The following COMMD1 variants were observed in gnomAD, a reference collection of about 807,000 sequenced individuals.
COMMD1 encodes COMM domain-containing protein 1.
In COMMD1, 10 loss-of-function variants were observed where a neutral mutation model predicts 17.2. That is an observed-to-expected ratio of 0.58 (90% confidence interval 0.36 to 0.99). The LOEUF is 0.99. COMMD1 is among the 50% of genes least tolerant of loss of function. COMMD1 has a pLI of 0.01. For missense variants in COMMD1, 270 were observed against 231.8 expected (o/e 1.17, Z -1.07); for synonymous variants, 97 against 91.6 (o/e 1.06, Z -0.34).
chr2:61,923,640 T>A (rs1204233274), intron 1 of COMMD1, among the ~76,000 whole-genome samples: 1 of 152,140 alleles, frequency 6.6e-6, no homozygotes, highest in African/African-American at 2.4e-5. Flanking sequence ...TGAGATAAGA[T>A]GATAAAGGGG....
At chr2:61,979,502 A>G (rs1310881657) in intron 1 of COMMD1, among the ~76,000 whole-genome samples, 4 of 152,160 alleles carry the variant, frequency 2.6e-5, no homozygotes, top group Non-Finnish European at 5.9e-5. Context: ...AAATAGAGCT[A>G]GCATATAATT....
intron 2 of COMMD1, among the ~76,000 whole-genome samples, chr2:62,003,607 C>A (rs1669027506): frequency 9.1e-6 from 1 of 109,624 alleles, no homozygotes. Flanking sequence ...GATATTTTTA[C>A]ACACACACAC....
At chr2:61,963,901 T>C (rs1671436147) in intron 1 of COMMD1, among the ~76,000 whole-genome samples, 1 of 152,214 alleles carries the variant, frequency 6.6e-6, no homozygotes, top group African/African-American at 2.4e-5. Flanking sequence ...CTGAGATCCT[T>C]GAGTCCAGAC....
At chr2:61,965,010 T>C (rs549474691) in intron 1 of COMMD1, among the ~76,000 whole-genome samples, 2 of 152,238 alleles carry the variant, frequency 1.3e-5, no homozygotes, top group African/African-American at 4.8e-5. Flanking sequence ...TACTCCAGCC[T>C]GGGCAACAGA....
At chr2:62,021,339 A>G (rs1669609839) in intron 2 of COMMD1, among the ~76,000 whole-genome samples, 1 of 152,166 alleles carries the variant, frequency 6.6e-6, no homozygotes, top group Admixed American at 6.5e-5. Context: ...TCTTTGTTAC[A>G]GTGGTGTAGA....
intron 2 of COMMD1, among the ~76,000 whole-genome samples, chr2:62,048,934 A>G (rs928168088): frequency 6.6e-6 from 1 of 152,150 alleles, no homozygotes; most frequent in Non-Finnish European, 1.5e-5. Context: ...CTCCTGTTAC[A>G]AGAGTCCTAA....
chr2:62,063,898 T>TATATATATATATTA (rs1438732823), intron 2 of COMMD1, among the ~76,000 whole-genome samples: 1 of 126,384 alleles, frequency 7.9e-6, no homozygotes. Context: ...TATATATATA[T>TATATATATATATTA]TAGCCAGGCA....
chr2:62,057,862 C>A (rs1277976595), intron 2 of COMMD1, among the ~76,000 whole-genome samples: 5 of 151,948 alleles, frequency 3.3e-5, no homozygotes, highest in African/African-American at 4.8e-5. Flanking sequence ...TTGAGCCACC[C>A]CACTCAGTCC....
At chr2:62,047,973 CTA>C (rs1670428681) in intron 2 of COMMD1, among the ~76,000 whole-genome samples, 1 of 152,044 alleles carries the variant, frequency 6.6e-6, no homozygotes, top group African/African-American at 2.4e-5. Flanking sequence ...GTATAGTAGG[CTA>C]TACCATCTAG....
At chr2:62,025,222 AAAAC>A (rs1467562582) in intron 2 of COMMD1, among the ~76,000 whole-genome samples, 24 of 149,312 alleles carry the variant, frequency 1.6e-4, no homozygotes, top group African/African-American at 4.9e-4. Flanking sequence ...TCTGCCTCAA[AAAAC>A]AAACAAACAA....
chr2:62,078,698 C>T (rs1411476601), intron 2 of COMMD1, among the ~76,000 whole-genome samples: 1 of 149,016 alleles, frequency 6.7e-6, no homozygotes, highest in African/African-American at 2.5e-5. Context: ...GAAACTCTAT[C>T]TCTATTAAAA....
intron 2 of COMMD1, among the ~76,000 whole-genome samples, chr2:62,012,771 C>G (rs1330458715): frequency 6.6e-6 from 1 of 152,138 alleles, no homozygotes; most frequent in Non-Finnish European, 1.5e-5. Flanking sequence ...AAGGAAGATT[C>G]ACTTAGCTAG....
chr2:61,992,312 G>A (rs1672271813), intron 1 of COMMD1, among the ~76,000 whole-genome samples: 1 of 152,138 alleles, frequency 6.6e-6, no homozygotes, highest in African/African-American at 2.4e-5. Context: ...AAAACTTGGT[G>A]TTTATTAAAA....
chr2:61,964,660 C>T (rs941519555), intron 1 of COMMD1, among the ~76,000 whole-genome samples: 3 of 150,942 alleles, frequency 2.0e-5, no homozygotes, highest in African/African-American at 7.3e-5. Context: ...TGGTGAAACC[C>T]CGTCTCTACT....
At chr2:61,954,097 T>C (rs1671131637) in intron 1 of COMMD1, among the ~76,000 whole-genome samples, 1 of 152,034 alleles carries the variant, frequency 6.6e-6, no homozygotes, top group African/African-American at 2.4e-5. Context: ...TAATCTCAGC[T>C]ACTTGGGAGG....
At chr2:62,095,645 G>T (rs978419408) in intron 2 of COMMD1, among the ~76,000 whole-genome samples, 2 of 149,826 alleles carry the variant, frequency 1.3e-5, no homozygotes, top group African/African-American at 5.0e-5. Flanking sequence ...GACAATAATC[G>T]TATAAGTGCA....
chr2:62,041,055 C>T (rs1670179088), intron 2 of COMMD1, among the ~76,000 whole-genome samples: 1 of 152,184 alleles, frequency 6.6e-6, no homozygotes, highest in African/African-American at 2.4e-5. Context: ...CACTGCTGTA[C>T]TCTACCCCCA....
rs147961620 is a variant in COMMD1, at chr2:62,113,216, G to A, written c.463-22615G>A. On this transcript the variant is annotated intron_variant, in intron 2 of 2. Coordinates refer to ENST00000311832, the MANE Select transcript of COMMD1 (RefSeq NM_152516.4). ...AAAAAAAAAAAATTAGCTGGATGTC[G>A]TGGTGAGTGCCTGTAGTACTAGCTA... 1.2e-3 allele frequency among the ~76,000 whole-genome samples: 186 copies of A among 151,978 alleles called. 6 individuals carry two copies. The East Asian group carries it at 0.033, about 27-fold the overall frequency.
chr2:61,952,698 G>C (rs1671090428), intron 1 of COMMD1, among the ~76,000 whole-genome samples: 1 of 152,188 alleles, frequency 6.6e-6, no homozygotes, highest in Admixed American at 6.5e-5. Flanking sequence ...GTTTCCCTGT[G>C]TTGCTGGCCA....
Sources: allele counts gnomAD v4.1 joint callset (sites outside exome capture counted in the v4.1 genomes callset), GRCh38; gene constraint gnomAD v4.1.1; transcripts MANE v1.5; gene names NCBI Gene and HGNC (gene_info 2026-07-23, HGNC 2026-07-21).